RGS12: variants seen among roughly 807,000 people sequenced by gnomAD.
RGS12 encodes the protein regulator of G protein signaling 12.
Under a neutral mutation model 120.1 loss-of-function variants are expected in RGS12, and 66 were observed. The ratio of observed to expected loss-of-function variants is 0.55; its 90% CI spans 0.45 to 0.67. The LOEUF is 0.67. Among genes scored for constraint, RGS12 ranks in the 30% least tolerant of loss-of-function variants. RGS12 has a pLI of 0.00. For synonymous variants in RGS12, 827 were observed against 804.7 expected, an observed-to-expected ratio of 1.03 and a Z score of -0.47; for missense variants, 1,859 against 1,957.7, an observed-to-expected ratio of 0.95 and a Z score of 0.95.
intron 13 of RGS12, 34 bp downstream of exon 13, chr4:3,423,675 G>T (rs772913465): frequency 6.3e-7 from 1 of 1,586,422 alleles, no homozygotes; most frequent in Non-Finnish European, 8.5e-7. Flanking sequence ...CGTCGTCACC[G>T]CAGGCACTGT....
intron 4 of RGS12, among the ~76,000 whole-genome samples, chr4:3,397,295 G>A (rs910076075): frequency 1.3e-4 from 20 of 152,218 alleles, no homozygotes; most frequent in African/African-American, 3.6e-4. Context: ...CACTGGCTGC[G>A]ATAGAAGAAG....
In RGS12 at chr4:3,414,185, TG is replaced by T; in HGVS notation, c.2137del (p.Ala713ProfsTer21). ...CCTGCGTGAGAGGAGGGTCGCCAGC[TG>T]GGCCGTGTCCTTTGAGCGCCTGCTG... ...RRLRERRVAS[W>X]AVSFERLLQD... On this transcript the variant is annotated frameshift_variant, in exon 5 of 18. Coordinates refer to ENST00000336727, the MANE Select transcript of RGS12 (RefSeq NM_001394154.1). LOFTEE classifies it high-confidence loss of function. 1 of 1,552,090 alleles carries T rather than the reference TG, an allele frequency of 6.4e-7. No individual in the cohort carries two copies.
At chr4:3,305,540 C>A (rs905232522) in intron 1 of RGS12, among the ~76,000 whole-genome samples, 1 of 152,196 alleles carries the variant, frequency 6.6e-6, no homozygotes, top group Admixed American at 6.5e-5. Context: ...TAGAGAGACA[C>A]GCCGTCAGCT....
chr4:3,414,999 C>G (rs901469028), intron 6 of RGS12, among the ~76,000 whole-genome samples, 155 bp downstream of exon 6: 1 of 51,918 alleles, frequency 1.9e-5, no homozygotes, highest in Admixed American at 2.2e-4. Flanking sequence ...GTGTGAGGGG[C>G]GTGTGAGGGG....
Position 3,372,181 on chromosome 4 carries a change from A to G in RGS12, c.1999-14235A>G, listed in dbSNP as rs959114909. On this transcript the variant is annotated intron_variant, in intron 3 of 17. Transcript: ENST00000336727. The surrounding 1 kb of genome is among the most constrained non-coding windows in gnomAD (Gnocchi z 4.3). ...CCCCAAAGAAATAGGAATTGCCTGG[A>G]GGAAGAGAGCCCTTGTGGTCTGTCT... is the stretch of plus-strand genomic sequence containing the variant. Among the ~76,000 whole-genome samples the G allele has an allele frequency of 2.4e-4, 36 of 152,286 alleles. No homozygotes were observed. The highest frequency in any genetic ancestry group is 8.4e-4 in the African/African-American group (35 of 41,564).
the RGS12 span, among the ~76,000 whole-genome samples, chr4:3,286,822 C>A: frequency 6.6e-6 from 1 of 152,224 alleles, no homozygotes; most frequent in African/African-American, 2.4e-5. Flanking sequence ...GTCAGAGAGC[C>A]CCCGTCAGGC....
chr4:3,339,449 C>T, intron 2 of RGS12, among the ~76,000 whole-genome samples: 1 of 152,124 alleles, frequency 6.6e-6, no homozygotes, highest in East Asian at 1.9e-4. Flanking sequence ...ACCTCTCCCT[C>T]CGGCCTGGGC....
intron 3 of RGS12, among the ~76,000 whole-genome samples, chr4:3,373,542 C>T (rs1288999324): frequency 6.6e-6 from 1 of 152,272 alleles, no homozygotes; most frequent in African/African-American, 2.4e-5. Context: ...CAGTCTCTCT[C>T]ATCAGTGTCA....
chr4:3,288,217 C>T (rs373501348), upstream of RGS12, among the ~76,000 whole-genome samples: 21 of 151,918 alleles, frequency 1.4e-4, no homozygotes, highest in East Asian at 3.5e-3. This position sits in a 1 kb window ranked among gnomAD's most constrained non-coding sequence, Gnocchi z 5.2. Context: ...GTCTGGTGGG[C>T]GTGTGGGAGG....
upstream of RGS12, among the ~76,000 whole-genome samples, chr4:3,288,414 T>C (rs930830543): frequency 1.3e-5 from 2 of 152,086 alleles, no homozygotes; most frequent in African/African-American, 4.8e-5. This position sits in a 1 kb window ranked among gnomAD's most constrained non-coding sequence, Gnocchi z 5.2. Flanking sequence ...TGGGCCTGGC[T>C]TCCTGGTGCA....
At chr4:3,309,953 C>A in intron 1 of RGS12, among the ~76,000 whole-genome samples, 1 of 139,714 alleles carries the variant, frequency 7.2e-6, no homozygotes, top group African/African-American at 2.7e-5. Context: ...CTGAGGGGAA[C>A]CGTGCAGGGG....
At position 3,316,128 on chromosome 4, in the gene RGS12, A is replaced by G; in HGVS notation, c.-43A>G. ...AAGCATTCCTTGAAATATGGCTCCA[A>G]GGGAACAATGAGACGTGCTCTTGGT... is the stretch of plus-strand genomic sequence containing the variant. On this transcript the variant is annotated 5_prime_UTR_variant, in exon 2 of 18. Transcript: ENST00000336727. 6.6e-7 allele frequency: 1 copy of G among 1,507,076 alleles called. No homozygotes were observed. Among genetic ancestry groups the G allele is most frequent in the Middle Eastern group, 1.8e-4 (1 of 5,586 alleles). 93.4% of individuals were successfully genotyped at this position (1,507,076 alleles called of 1,614,324 possible). A position where few individuals can be genotyped will look rare whatever the true frequency, so the allele number is the denominator to read the frequency against.
intron 2 of RGS12, among the ~76,000 whole-genome samples, chr4:3,325,752 A>C (rs1280510613): frequency 2.0e-5 from 3 of 152,166 alleles, no homozygotes; most frequent in Non-Finnish European, 2.9e-5. Context: ...ATACAGACCA[A>C]TATCCCTATT....
rs559418932 is a variant in RGS12, at chr4:3,367,959, C to T, written c.1999-18457C>T. Among the ~76,000 whole-genome samples, 27 of 152,356 alleles carry T rather than the reference C, an allele frequency of 1.8e-4. No individual in the cohort carries two copies. The South Asian group carries it at 5.4e-3, about 30-fold the overall frequency. ...TAGACAATGTGAAATTGTGTTTCTT[C>T]CTTTCCGTCCTCGATGGAACACAAT... On this transcript the variant is annotated intron_variant, in intron 3 of 17. Coordinates refer to ENST00000336727, the MANE Select transcript of RGS12 (RefSeq NM_001394154.1).
intron 4 of RGS12, among the ~76,000 whole-genome samples, chr4:3,410,869 G>C (rs980895648): frequency 2.6e-5 from 4 of 152,204 alleles, no homozygotes; most frequent in Non-Finnish European, 1.5e-5. Context: ...TCTTCTTGGC[G>C]TTTAGGTGCT....
At chr4:3,419,617 T>G (rs1019031467) in intron 9 of RGS12, 1 of 151,006 alleles carries the variant, frequency 6.6e-6, no homozygotes, top group Admixed American at 6.6e-5. Context: ...AGGAGTTCAA[T>G]ACCAGCCTGG....
intron 3 of RGS12, among the ~76,000 whole-genome samples, chr4:3,370,752 A>G (rs1039428946): frequency 2.0e-5 from 3 of 152,262 alleles, no homozygotes; most frequent in Non-Finnish European, 4.4e-5. Flanking sequence ...ATTTCTAAAT[A>G]TGATGAGTTG....
chr4:3,291,439 G>A (rs1375573442), upstream of RGS12, among the ~76,000 whole-genome samples: 1 of 147,872 alleles, frequency 6.8e-6, no homozygotes, highest in Non-Finnish European at 1.5e-5. Flanking sequence ...CTCCGCCTCC[G>A]GGGCTCAAGT....
chr4:3,336,246 C>T (rs1355701589), intron 2 of RGS12, among the ~76,000 whole-genome samples: 4 of 152,208 alleles, frequency 2.6e-5, no homozygotes, highest in Admixed American at 2.0e-4. Flanking sequence ...TTTTCCCAGC[C>T]CTGGGGTGGC....
Sources: allele counts gnomAD v4.1 joint callset (sites outside exome capture counted in the v4.1 genomes callset), GRCh38; gene constraint gnomAD v4.1.1; non-coding constraint Gnocchi (gnomAD v3.1); transcripts MANE v1.5; gene names NCBI Gene and HGNC (gene_info 2026-07-23, HGNC 2026-07-21).